RBFOX1: variants seen among roughly 807,000 people sequenced by gnomAD.
RBFOX1 encodes the protein RNA binding fox-1 homolog 1.
Under a neutral mutation model 57.7 loss-of-function variants are expected in RBFOX1, and 8 were observed. That is an observed-to-expected ratio of 0.14 (90% CI 0.08 to 0.25). The LOEUF (loss-of-function observed/expected upper bound fraction) is 0.25, where lower values mean the gene tolerates loss of function less well. Among genes scored for constraint, RBFOX1 ranks in the 10% least tolerant of loss-of-function variants. RBFOX1 has a pLI of 1.00. For synonymous variants in RBFOX1, 326 were observed against 222.4 expected (o/e 1.47, Z -4.15); for missense variants, 611 against 548.5 (o/e 1.11, Z -1.14).
chr16:6,010,183 A>G (rs952555893), intron 4 of RBFOX1, among the ~76,000 whole-genome samples: 3 of 152,008 alleles, frequency 2.0e-5, no homozygotes, highest in African/African-American at 7.3e-5. Context: ...GGACTTCCAA[A>G]TCTCAGCACC....
chr16:5,871,221 G>A (rs1380153386), intron 4 of RBFOX1, among the ~76,000 whole-genome samples: 3 of 152,158 alleles, frequency 2.0e-5, no homozygotes, highest in Non-Finnish European at 2.9e-5. Context: ...ACCAAATTCT[G>A]CCCAGCAATG....
chr16:5,798,327 G>C (rs1366572097), intron 3 of RBFOX1, among the ~76,000 whole-genome samples: 2 of 152,208 alleles, frequency 1.3e-5, no homozygotes, highest in African/African-American at 2.4e-5. Flanking sequence ...CTTCCAAGCA[G>C]TGTCGATTTC....
chr16:5,404,434 A>G (rs928881095), intron 1 of RBFOX1, among the ~76,000 whole-genome samples: 2 of 152,140 alleles, frequency 1.3e-5, no homozygotes, highest in African/African-American at 4.8e-5. Context: ...CTGAGAGGCC[A>G]CTGTCACTTA....
intron 2 of RBFOX1, among the ~76,000 whole-genome samples, chr16:5,558,701 C>A (rs571240590): frequency 6.6e-6 from 1 of 152,158 alleles, no homozygotes; most frequent in South Asian, 2.1e-4. Flanking sequence ...GGGGTGGGAC[C>A]CTGAGACTGT....
chr16:7,241,346 G>A (rs185153879), intron 4 of RBFOX1, among the ~76,000 whole-genome samples: 10 of 152,254 alleles, frequency 6.6e-5, no homozygotes, highest in East Asian at 3.9e-4. Flanking sequence ...CTCCTGGCCC[G>A]TTGGACTATC....
intron 5 of RBFOX1, among the ~76,000 whole-genome samples, chr16:7,547,194 A>G (rs1008796740): frequency 1.4e-4 from 22 of 152,224 alleles, no homozygotes; most frequent in South Asian, 6.2e-4. Flanking sequence ...TTATAAGGCC[A>G]TAAATATTGG....
At chr16:5,870,076 A>G (rs1282577946) in intron 4 of RBFOX1, among the ~76,000 whole-genome samples, 1 of 151,138 alleles carries the variant, frequency 6.6e-6, no homozygotes, top group African/African-American at 2.4e-5. Flanking sequence ...GAACAAAAGA[A>G]TGTACCCTCC....
chr16:6,195,508 G>A (rs77687081), intron 1 of RBFOX1, among the ~76,000 whole-genome samples: 3 of 152,010 alleles, frequency 2.0e-5, no homozygotes, highest in Non-Finnish European at 4.4e-5. Context: ...ACCTGAGGTC[G>A]GGATTTCGAG....
chr16:7,398,594 C>T (rs990076423), intron 4 of RBFOX1, among the ~76,000 whole-genome samples: 2 of 152,242 alleles, frequency 1.3e-5, no homozygotes, highest in Non-Finnish European at 1.5e-5. Context: ...ATGCCACCTT[C>T]AATCTCTCTA....
At chr16:7,353,584 T>G (rs928635474) in intron 4 of RBFOX1, among the ~76,000 whole-genome samples, 23 of 152,134 alleles carry the variant, frequency 1.5e-4, no homozygotes, top group Non-Finnish European at 2.4e-4. Flanking sequence ...AAGAAATGGA[T>G]AAACACGAGA....
At chr16:7,623,708 A>G (rs1015474290) in intron 10 of RBFOX1, among the ~76,000 whole-genome samples, 3 of 152,104 alleles carry the variant, frequency 2.0e-5, no homozygotes, top group African/African-American at 7.2e-5. Flanking sequence ...AACAACAGAA[A>G]TTTATTTTCT....
intron 1 of RBFOX1, among the ~76,000 whole-genome samples, chr16:5,425,548 T>A (rs2067533426): frequency 6.6e-6 from 1 of 152,200 alleles, no homozygotes; most frequent in African/African-American, 2.4e-5. Flanking sequence ...TGGGCCATCG[T>A]GCAAAATCAG....
intron 1 of RBFOX1, among the ~76,000 whole-genome samples, chr16:5,369,811 TA>T (rs1430405870): frequency 6.6e-6 from 1 of 152,162 alleles, no homozygotes; most frequent in Admixed American, 6.5e-5. Context: ...CGCTATCATT[TA>T]AAATAATGAA....
chr16:6,234,368 A>G (rs986486851), intron 1 of RBFOX1, among the ~76,000 whole-genome samples: 2 of 152,130 alleles, frequency 1.3e-5, no homozygotes, highest in African/African-American at 2.4e-5. Flanking sequence ...TGATTCTTTG[A>G]TTATTATCTT....
chr16:5,529,308 G>A (rs1315791200), intron 2 of RBFOX1, among the ~76,000 whole-genome samples: 1 of 151,606 alleles, frequency 6.6e-6, no homozygotes, highest in Non-Finnish European at 1.5e-5. Context: ...TAGAATGTGA[G>A]AAAATTGGAT....
chr16:7,546,446 C>G (rs530138135), intron 5 of RBFOX1, among the ~76,000 whole-genome samples: 2 of 152,272 alleles, frequency 1.3e-5, no homozygotes, highest in South Asian at 2.1e-4. Flanking sequence ...ACAACGCAAT[C>G]CCTTATGGTG....
At chr16:6,197,633 C>CT (rs35116781) in intron 1 of RBFOX1, among the ~76,000 whole-genome samples, 37,985 of 144,634 alleles carry the variant, frequency 0.26, 5,746 homozygotes, top group Middle Eastern at 0.45. Context: ...CAATGAGTTT[C>CT]TTTTTTTTTT....
At position 5,474,842 on chromosome 16, in the gene RBFOX1, C is replaced by T. The variant is rs561352366; in HGVS notation, c.258+7588C>T. Among the ~76,000 whole-genome samples, 7 of 152,280 alleles carry T rather than the reference C, an allele frequency of 4.6e-5. No individual in the cohort carries two copies. In the East Asian group the frequency reaches 1.3e-3, roughly 29 times the overall value. The stretch of plus-strand genomic sequence containing the variant: ...GGTACTGGCCAAATATTGTCCCGTA[C>T]ATATTCTGAGCCCATGCTATTTGAC... On this transcript the variant is annotated intron_variant, in intron 2 of 2. Coordinates refer to the RBFOX1 transcript ENST00000585867.
At chr16:5,358,692 G>A (rs542442269) in intron 1 of RBFOX1, among the ~76,000 whole-genome samples, 25 of 152,098 alleles carry the variant, frequency 1.6e-4, no homozygotes, top group African/African-American at 3.1e-4. Context: ...GTGTGGTGGC[G>A]CATGTATGCC....
Sources: allele counts gnomAD v4.1 joint callset (sites outside exome capture counted in the v4.1 genomes callset), GRCh38; gene constraint gnomAD v4.1.1; transcripts MANE v1.5; gene names NCBI Gene and HGNC (gene_info 2026-07-23, HGNC 2026-07-21).